The following EXT1 variants were observed in gnomAD, a reference collection of about 807,000 sequenced individuals.
EXT1 encodes the protein exostosin glycosyltransferase 1.
EXT1 carries 20 observed loss-of-function variants against 82.5 expected under a neutral mutation model. The observed-to-expected ratio is 0.24, with a 90% CI of 0.17 to 0.35. The LOEUF (loss-of-function observed/expected upper bound fraction) is 0.35, where lower values mean the gene tolerates loss of function less well. Among genes scored for constraint, EXT1 ranks in the 10% least tolerant of loss-of-function variants. EXT1 has a pLI of 1.00. For synonymous variants in EXT1, 348 were observed against 350.8 expected (o/e 0.99, Z 0.09); for missense variants, 757 against 936.5 (o/e 0.81, Z 2.50).
chr8:118,087,106 G>T (rs879848912), intron 1 of EXT1, among the ~76,000 whole-genome samples: 1 of 152,180 alleles, frequency 6.6e-6, no homozygotes, highest in African/African-American at 2.4e-5. Context: ...CCCAGCGCTG[G>T]ATAGAAACAA....
At chr8:117,939,027 C>G (rs1264526536) in intron 1 of EXT1, among the ~76,000 whole-genome samples, 2 of 152,118 alleles carry the variant, frequency 1.3e-5, no homozygotes, top group Admixed American at 6.5e-5. Flanking sequence ...ATGCCCCCTC[C>G]TTTTATTTTT....
At chr8:117,895,253 A>G (rs553299612) in intron 1 of EXT1, among the ~76,000 whole-genome samples, 1 of 152,352 alleles carries the variant, frequency 6.6e-6, no homozygotes, top group East Asian at 1.9e-4. Flanking sequence ...CAATCCAAAA[A>G]TATCAAGCGT....
chr8:117,916,519 G>A (rs978379906), intron 1 of EXT1, among the ~76,000 whole-genome samples: 5 of 152,262 alleles, frequency 3.3e-5, no homozygotes, highest in South Asian at 2.1e-4. Flanking sequence ...CAACATATAC[G>A]TAATGAGAAA....
intron 10 of EXT1, among the ~76,000 whole-genome samples, chr8:117,801,092 A>G (rs1823160662): frequency 6.6e-6 from 1 of 152,246 alleles, no homozygotes; most frequent in South Asian, 2.1e-4. Flanking sequence ...TTAGTGTGAG[A>G]AGCAGTAAGA....
At chr8:117,993,990 T>C (rs1279055898) in intron 1 of EXT1, among the ~76,000 whole-genome samples, 3 of 152,186 alleles carry the variant, frequency 2.0e-5, no homozygotes, top group Admixed American at 1.3e-4. Context: ...ATTAAGATAC[T>C]GCTAAAAAGT....
chr8:117,962,711 C>A (rs112824351), intron 1 of EXT1, among the ~76,000 whole-genome samples: 23 of 152,150 alleles, frequency 1.5e-4, no homozygotes, highest in Non-Finnish European at 2.9e-4. Flanking sequence ...CCAGATCATG[C>A]CACTGCACTC....
intron 3 of EXT1, among the ~76,000 whole-genome samples, chr8:117,833,779 C>A (rs938322491): frequency 6.6e-6 from 1 of 152,058 alleles, no homozygotes; most frequent in African/African-American, 2.4e-5. Context: ...TCTCAAATTT[C>A]TTTTAATGAT....
intron 1 of EXT1, among the ~76,000 whole-genome samples, chr8:117,948,686 G>A: frequency 6.6e-6 from 1 of 152,164 alleles, no homozygotes; most frequent in East Asian, 1.9e-4. Context: ...CTTTGAGTGT[G>A]GTTTCTTCCT....
intron 1 of EXT1, among the ~76,000 whole-genome samples, chr8:117,911,683 A>G (rs1419944104): frequency 6.6e-6 from 1 of 152,178 alleles, no homozygotes; most frequent in Non-Finnish European, 1.5e-5. Flanking sequence ...TCTCTTCAAC[A>G]CCTGGGTCTT....
At chr8:117,943,768 G>C (rs966606191) in intron 1 of EXT1, among the ~76,000 whole-genome samples, 1 of 152,224 alleles carries the variant, frequency 6.6e-6, no homozygotes, top group Non-Finnish European at 1.5e-5. Flanking sequence ...ATAACCTTTA[G>C]ATATTGGGGC....
chr8:118,059,965 T>G (rs1005235112), intron 1 of EXT1, among the ~76,000 whole-genome samples: 1 of 152,172 alleles, frequency 6.6e-6, no homozygotes, highest in Non-Finnish European at 1.5e-5. Context: ...AAAGAACACA[T>G]TTCTTTACTG....
chr8:118,014,046 T>C (rs1485464808), intron 1 of EXT1, among the ~76,000 whole-genome samples: 1 of 152,194 alleles, frequency 6.6e-6, no homozygotes, highest in Admixed American at 6.5e-5. Flanking sequence ...ATGGCAGTGA[T>C]AACACCTCAC....
intron 1 of EXT1, among the ~76,000 whole-genome samples, chr8:118,037,379 CTTTTT>C (rs5894410): frequency 7.2e-6 from 1 of 138,970 alleles, no homozygotes; most frequent in African/African-American, 2.7e-5. Flanking sequence ...AAAAAGATTC[CTTTTT>C]TTTTTTTTTT....
At chr8:117,909,516 AT>A (rs1013437140) in intron 1 of EXT1, among the ~76,000 whole-genome samples, 1 of 152,090 alleles carries the variant, frequency 6.6e-6, no homozygotes, top group Admixed American at 6.6e-5. Flanking sequence ...AAAAATATGT[AT>A]TTTTTTGTTC....
intron 1 of EXT1, among the ~76,000 whole-genome samples, chr8:117,853,181 G>A (rs560095460): frequency 6.6e-6 from 1 of 152,284 alleles, no homozygotes; most frequent in South Asian, 2.1e-4. Flanking sequence ...CTGTGATGTA[G>A]ACTAAATCCA....
chr8:118,090,956 C>T (rs1817513019), intron 1 of EXT1, among the ~76,000 whole-genome samples: 1 of 152,010 alleles, frequency 6.6e-6, no homozygotes, highest in Non-Finnish European at 1.5e-5. Flanking sequence ...CATTCATTTG[C>T]AGACAGTTAG....
chr8:118,020,084 C>T (rs1413677178), intron 1 of EXT1, among the ~76,000 whole-genome samples: 1 of 152,138 alleles, frequency 6.6e-6, no homozygotes, highest in Non-Finnish European at 1.5e-5. Context: ...TCAGAAGCAA[C>T]TTGCATGTTT....
chr8:118,079,433 C>A (rs1024416996), intron 1 of EXT1, among the ~76,000 whole-genome samples: 2 of 152,288 alleles, frequency 1.3e-5, no homozygotes, highest in South Asian at 4.1e-4. Context: ...TAGACAGCCA[C>A]TCAACAGTAT....
chr8:117,958,969 G>T (rs1002477097), intron 1 of EXT1, among the ~76,000 whole-genome samples: 2 of 152,088 alleles, frequency 1.3e-5, no homozygotes, highest in African/African-American at 4.8e-5. Context: ...CAAGCAATAG[G>T]TTGGGTTTTT....
Sources: allele counts gnomAD v4.1 joint callset (sites outside exome capture counted in the v4.1 genomes callset), GRCh38; gene constraint gnomAD v4.1.1; transcripts MANE v1.5; gene names NCBI Gene and HGNC (gene_info 2026-07-23, HGNC 2026-07-21).